PNPO: variants seen among roughly 807,000 people sequenced by gnomAD.
PNPO encodes the protein pyridoxine-5'-phosphate oxidase.
In PNPO, 39 loss-of-function variants were observed where a neutral mutation model predicts 35.0. The ratio of observed to expected loss-of-function variants is 1.11; its 90% confidence interval spans 0.86 to 1.45. PNPO has a LOEUF of 1.45. Ranked by LOEUF, PNPO falls within the 40% of genes most tolerant of loss-of-function variation. The probability of loss-of-function intolerance (pLI) is 0.00; values close to 1 mark genes in which losing one functional copy is unlikely to be tolerated. For missense variants in PNPO, 288 were observed against 340.0 expected, an observed-to-expected ratio of 0.85 and a Z score of 1.20; for synonymous variants, 115 against 119.8, an observed-to-expected ratio of 0.96 and a Z score of 0.26.
At chr17:47,944,200 CGTGTGTGTGTGTGTGTGTGTGT>C (rs3047638) in intron 2 of PNPO, among the ~76,000 whole-genome samples, 1 of 142,152 alleles carries the variant, frequency 7.0e-6, no homozygotes, top group Non-Finnish European at 1.5e-5. Flanking sequence ...CACTGCCTTT[CGTGTGTGTGTGTGTGTGTGTGT>C]GTGTGTGTGT....
At chr17:47,944,162 C>T (rs549416134) in intron 2 of PNPO, among the ~76,000 whole-genome samples, 1 of 151,504 alleles carries the variant, frequency 6.6e-6, no homozygotes, top group South Asian at 2.1e-4. Flanking sequence ...TTGGGGTTTG[C>T]AGACAGCTAC....
chr17:47,948,197 A>G lies in PNPO; in HGVS notation c.*1415A>G, dbSNP rs891401236. ...CAGGAAGATTTTAATCAGCTTTACTATCTATGTTTTTTTATGGAAACTGTG... is the reference window on the plus strand; with the variant it reads ...CAGGAAGATTTTAATCAGCTTTACTGTCTATGTTTTTTTATGGAAACTGTG... On this transcript the variant is annotated 3_prime_UTR_variant, in exon 7 of 7. Coordinates refer to ENST00000642017, the MANE Select transcript of PNPO (RefSeq NM_018129.4). 3.9e-5 allele frequency: 6 copies of G among 152,190 alleles called. No individual in the cohort carries two copies. The highest frequency in any genetic ancestry group is 1.4e-4 in the African/African-American group (6 of 41,442). 9.4% of individuals were successfully genotyped at this position (152,190 alleles called of 1,614,324 possible). A position where few individuals can be genotyped will look rare whatever the true frequency, so the allele number is the denominator to read the frequency against.
Position 47,946,842 on chromosome 17 carries a change from T to C in PNPO, c.*60T>C. 1 of 1,521,510 alleles carries C rather than the reference T, an allele frequency of 6.6e-7. No homozygotes were observed. Among genetic ancestry groups the C allele is most frequent in the Non-Finnish European group, 9.1e-7 (1 of 1,100,510 alleles). The allele number at this position is 1,521,510 out of a possible 1,614,324, so 94.3% of individuals were successfully genotyped here. ...CTAGGTGTCAAGAGAGGGTGTGGGA[T>C]TGGGACCCAGGCCCTTCTTTCTAAA... On this transcript the variant is annotated 3_prime_UTR_variant, in exon 7 of 7. Transcript: ENST00000642017.
chr17:47,946,961 T>C lies in PNPO; in HGVS notation c.*179T>C. On this transcript the variant is annotated 3_prime_UTR_variant, in exon 7 of 7. Coordinates refer to ENST00000642017, the MANE Select transcript of PNPO (RefSeq NM_018129.4). ...ACTCAGTTGGTTCTCAGTTAGCTGG[T>C]CAAGTGGAGTGTAATGGTGGCGTAG... is the stretch of plus-strand genomic sequence containing the variant. 3.3e-6 allele frequency: 2 copies of C among 615,210 alleles called. No homozygotes were observed. Among genetic ancestry groups the C allele is most frequent in the Non-Finnish European group, 5.8e-6 (2 of 346,898 alleles). 38.1% of individuals were successfully genotyped at this position (615,210 alleles called of 1,614,324 possible).
chr17:47,941,928 T>C lies in PNPO; in HGVS notation c.138+115T>C, dbSNP rs1287533844. On this transcript the variant is annotated intron_variant, in intron 1 of 6. Transcript: ENST00000642017. The stretch of plus-strand genomic sequence containing the variant: ...CCTCGGGGCTTCTGGGGCCACCCGG[T>C]GGGGCAAGGAGGTTTGAGGATCACC... 3 of 1,387,416 alleles carry C rather than the reference T, an allele frequency of 2.2e-6. No individual in the cohort carries two copies. The East Asian group carries it at 8.2e-5, about 38-fold the overall frequency. 85.9% of individuals were successfully genotyped at this position (1,387,416 alleles called of 1,614,324 possible).
intron 1 of PNPO, 176 bp downstream of exon 1, chr17:47,941,989 C>CA (rs2035943780): frequency 7.5e-7 from 1 of 1,338,346 alleles, no homozygotes; most frequent in African/African-American, 1.5e-5. Context: ...GACATCCCAC[C>CA]AGGGGAGGAG....
At chr17:47,944,495 C>G (rs903839125) in intron 2 of PNPO, 121 bp from the exon 3 acceptor site, 31 of 817,320 alleles carry the variant, frequency 3.8e-5, no homozygotes, top group Admixed American at 1.0e-4. Context: ...GACGGGGTAG[C>G]CTGACAGCCC....
Position 47,945,651 on chromosome 17 carries a change from G to A in PNPO, c.417+39G>A. ...CCCAGGACAGCCTGGGATGGGCTGG[G>A]TTGGCAGGGCCTGAGTTTATGGCTA... On this transcript the variant is annotated intron_variant, in intron 4 of 6. Coordinates refer to ENST00000642017, the MANE Select transcript of PNPO (RefSeq NM_018129.4). This position sits in a 1 kb window ranked among gnomAD's most constrained non-coding sequence, Gnocchi z 4.0. 6.4e-7 allele frequency: 1 copy of A among 1,566,160 alleles called. No homozygotes were observed. The highest frequency in any genetic ancestry group is 8.8e-7 in the Non-Finnish European group (1 of 1,136,318).
At chr17:47,942,395 A>T (rs1188804887) in intron 1 of PNPO, among the ~76,000 whole-genome samples, 2 of 152,142 alleles carry the variant, frequency 1.3e-5, no homozygotes, top group Non-Finnish European at 2.9e-5. Flanking sequence ...CCCTGGGGCA[A>T]GGAGATTTGG....
At chr17:47,944,200 C>CGTGTGTGTGTGT (rs3047638) in intron 2 of PNPO, among the ~76,000 whole-genome samples, 2,352 of 142,188 alleles carry the variant, frequency 0.017, 70 homozygotes, top group African/African-American at 0.054. Flanking sequence ...CACTGCCTTT[C>CGTGTGTGTGTGT]GTGTGTGTGT....
intron 1 of PNPO, 191 bp downstream of exon 1, chr17:47,942,004 G>A (rs2035944025): frequency 9.8e-6 from 13 of 1,327,728 alleles, no homozygotes; most frequent in Non-Finnish European, 1.3e-5. Context: ...GAGGAGTTCC[G>A]GGGAAACGCA....
At position 47,945,852 on chromosome 17, in the gene PNPO, C is replaced by T. The variant is rs773201990; in HGVS notation, c.418-9C>T. ...TTAATGCCATTCACCCAGAGCCATCCCTGAGCAGGTGCGTGTGGAAGGCCC... is the reference window on the plus strand; with the variant it reads ...TTAATGCCATTCACCCAGAGCCATCTCTGAGCAGGTGCGTGTGGAAGGCCC... On this transcript the variant is annotated splice_polypyrimidine_tract_variant and intron_variant, in intron 4 of 6. Transcript: ENST00000642017. The surrounding 1 kb of genome is among the most constrained non-coding windows in gnomAD (Gnocchi z 4.0). 14 of 1,613,000 alleles carry T rather than the reference C, an allele frequency of 8.7e-6. No homozygotes were observed. The East Asian group carries it at 1.6e-4, about 18-fold the overall frequency.
intron 5 of PNPO, 41 bp from the exon 6 acceptor site, chr17:47,946,282 G>T: frequency 6.9e-7 from 1 of 1,443,844 alleles, no homozygotes. Flanking sequence ...ATGAATCATT[G>T]ACTGGGCCTG....
In PNPO at chr17:47,946,917, A is replaced by G; in HGVS notation, c.*135A>G. The G allele has an allele frequency of 1.3e-6, 1 of 766,858 alleles. No individual in the cohort carries two copies. Among genetic ancestry groups the G allele is most frequent in the East Asian group, 2.7e-5 (1 of 37,566 alleles). 47.5% of individuals were successfully genotyped at this position (766,858 alleles called of 1,614,324 possible). ...CTTATCTTCAGGACTCTTCAGAGCT[A>G]ATCCTCTAAGTTCTCTGTACTCAGT... On this transcript the variant is annotated 3_prime_UTR_variant, in exon 7 of 7. Coordinates refer to ENST00000642017, the MANE Select transcript of PNPO (RefSeq NM_018129.4).
At chr17:47,943,549 C>A in intron 2 of PNPO, 119 bp downstream of exon 2, 1 of 1,270,262 alleles carries the variant, frequency 7.9e-7, no homozygotes, top group South Asian at 1.3e-5. Flanking sequence ...TGCTCTGTGG[C>A]TTTAGGCAAG....
chr17:47,946,551 G>T, intron 6 of PNPO, 63 bp from the exon 7 acceptor site: 1 of 1,557,252 alleles, frequency 6.4e-7, no homozygotes, highest in South Asian at 1.1e-5. Flanking sequence ...GAGGGGTGAG[G>T]GTGGGAGAGT....
At position 47,948,234 on chromosome 17, in the gene PNPO, A is replaced by T. The variant is rs1015294282; in HGVS notation, c.*1452A>T. The T allele has an allele frequency of 2.0e-5, 3 of 152,238 alleles. No individual in the cohort carries two copies. Among genetic ancestry groups the T allele is most frequent in the African/African-American group, 4.8e-5 (2 of 41,456 alleles). The allele number at this position is 152,238 out of a possible 1,614,324, so 9.4% of individuals were successfully genotyped here. On this transcript the variant is annotated 3_prime_UTR_variant, in exon 7 of 7. Transcript: ENST00000642017. ...TTATGGAAACTGTGTGTATGTATAC[A>T]TACATTTTCCAAAAAGAAAAATTAA... is the stretch of plus-strand genomic sequence containing the variant.
Position 47,945,256 on chromosome 17 carries a change from G to A in PNPO, c.364-303G>A. The A allele has an allele frequency of 4.5e-6, 2 of 440,252 alleles. No homozygotes were observed. The highest frequency in any genetic ancestry group is 4.2e-5 in the South Asian group (2 of 47,794). 27.3% of individuals were successfully genotyped at this position (440,252 alleles called of 1,614,324 possible). On this transcript the variant is annotated intron_variant, in intron 3 of 6. Coordinates refer to ENST00000642017, the MANE Select transcript of PNPO (RefSeq NM_018129.4). This position sits in a 1 kb window ranked among gnomAD's most constrained non-coding sequence, Gnocchi z 4.0. Reference sequence around the variant, plus strand: ...AATGAGTAAACCTCCCTGAGTCCATGCCAGCCAAGCATGCATTTCTCAAGA... The same window carrying A: ...AATGAGTAAACCTCCCTGAGTCCATACCAGCCAAGCATGCATTTCTCAAGA...
rs1290170015 is a variant in PNPO, at chr17:47,944,597, C to G, written c.264-19C>G. On this transcript the variant is annotated intron_variant, in intron 2 of 6. Transcript: ENST00000642017. ...ATTGAAGCAGACTCTGACCACAGTG[C>G]TCTGCTCTTTGCTCCTAGAGATGGA... 2 of 1,585,678 alleles carry G rather than the reference C, an allele frequency of 1.3e-6. No homozygotes were observed. The highest frequency in any genetic ancestry group is 1.3e-5 in the African/African-American group (1 of 74,474).
Sources: gnomAD v4.1 joint callset for allele counts (sites outside exome capture counted in the v4.1 genomes callset) on GRCh38, gnomAD v4.1.1 for gene constraint, Gnocchi (gnomAD v3.1) non-coding constraint, MANE v1.5 for transcripts, NCBI Gene and HGNC (gene_info 2026-07-23, HGNC 2026-07-21) for gene names.